The following CYBA variants were observed in gnomAD, a reference collection of about 807,000 sequenced individuals.
CYBA encodes cytochrome b-245 light chain.
CYBA carries 21 observed loss-of-function variants against 20.8 expected under a neutral mutation model. The ratio of observed to expected loss-of-function variants is 1.01; its 90% CI spans 0.72 to 1.46. The LOEUF is 1.46. Among genes scored for constraint, CYBA ranks in the 40% most tolerant of loss-of-function variants. The pLI, the probability that CYBA is intolerant of heterozygous loss-of-function variation, is 0.00. For synonymous variants in CYBA, 164 were observed against 127.5 expected, an observed-to-expected ratio of 1.29 and a Z score of -1.93; for missense variants, 344 against 287.0, an observed-to-expected ratio of 1.20 and a Z score of -1.43.
rs1309573579 is a variant in CYBA, at chr16:88,651,016, C to A, written c.-3G>T. On this transcript the variant is annotated 5_prime_UTR_variant, in exon 1 of 6. Transcript: ENST00000261623. Reference sequence around the variant, plus strand: ...ATGGCCCACTCGATCTGCCCCATGGCGACACGAACCCGGCTGGGACACTGC... The same window carrying A: ...ATGGCCCACTCGATCTGCCCCATGGAGACACGAACCCGGCTGGGACACTGC... The A allele has an allele frequency of 4.4e-6, 7 of 1,593,914 alleles. No homozygotes were observed. The African/African-American group carries it at 8.1e-5, about 18-fold the overall frequency.
Position 88,647,142 on chromosome 16 carries a change from G to A in CYBA, c.162C>T (p.Tyr54=), listed in dbSNP as rs779533388. 3 of 1,611,164 alleles carry A rather than the reference G, an allele frequency of 1.9e-6. No individual in the cohort carries two copies. The highest frequency in any genetic ancestry group is 2.5e-6 in the Non-Finnish European group (3 of 1,179,740). The change falls in exon 3 of 6, where the codon TAC becomes TAT. Residue 54 remains tyrosine (Y), a synonymous_variant. Transcript: ENST00000261623. ...VAGVFVCLLE[Y]PRGKRKKGST... is the part of the protein sequence containing the mutation. The stretch of plus-strand genomic sequence containing the variant: ...AGCCCTTCTTCCTCTTCCCCCGGGG[G>A]TACTCCAGCAGGCACACAAACACGC...
At chr16:88,645,191 C>T (rs772943816) in intron 5 of CYBA, 213 of 702,130 alleles carry the variant, frequency 3.0e-4, no homozygotes, top group Non-Finnish European at 4.1e-4. Context: ...AGCAGGGAGA[C>T]GGGGGGGATG....
chr16:88,649,996 C>T (rs1907445972), intron 1 of CYBA, among the ~76,000 whole-genome samples: 1 of 152,174 alleles, frequency 6.6e-6, no homozygotes, highest in Non-Finnish European at 1.5e-5. Flanking sequence ...CGGTCACTTT[C>T]CTGGGCACAG....
Position 88,647,194 on chromosome 16 carries a change from G to A in CYBA, c.129-19C>T, listed in dbSNP as rs762998994. On this transcript the variant is annotated intron_variant, in intron 2 of 5. Coordinates refer to ENST00000261623, the MANE Select transcript of CYBA (RefSeq NM_000101.4). ...CGCCACACTGAAGCCATGTGGTTAAGGAACAGCCCAGCTCAGCCTGAGGGG... is the reference window on the plus strand; with the variant it reads ...CGCCACACTGAAGCCATGTGGTTAAAGAACAGCCCAGCTCAGCCTGAGGGG... 6.2e-7 allele frequency: 1 copy of A among 1,610,638 alleles called. No homozygotes were observed. The highest frequency in any genetic ancestry group is 1.1e-5 in the South Asian group (1 of 91,034).
Position 88,643,830 on chromosome 16 carries a change from C to T in CYBA, c.370-259G>A, listed in dbSNP as rs1907180148. On this transcript the variant is annotated intron_variant, in intron 5 of 5. Coordinates refer to ENST00000261623, the MANE Select transcript of CYBA (RefSeq NM_000101.4). This position sits in a 1 kb window ranked among gnomAD's most constrained non-coding sequence, Gnocchi z 4.3. The stretch of plus-strand genomic sequence containing the variant: ...GAACCCCTGGGCTTCTGGAAGATCC[C>T]GTGGTGGACACTCCCAGATGCAAAT... Among the ~76,000 whole-genome samples, 1 of 152,230 alleles carries T rather than the reference C, an allele frequency of 6.6e-6. No homozygotes were observed. The highest frequency in any genetic ancestry group is 6.5e-5 in the Admixed American group (1 of 15,278).
rs1364625103 is a variant in CYBA, at chr16:88,650,943, G to T, written c.58+13C>A. 1 of 1,587,230 alleles carries T rather than the reference G, an allele frequency of 6.3e-7. No homozygotes were observed. Among genetic ancestry groups the T allele is most frequent in the African/African-American group, 1.3e-5 (1 of 74,128 alleles). The stretch of plus-strand genomic sequence containing the variant: ...CCAGGCTGCAGCCTCCACCGTCCCT[G>T]ACGTGCACTCACTCAGGCCGGACGC... On this transcript the variant is annotated intron_variant, in intron 1 of 5. Transcript: ENST00000261623.
At position 88,643,446 on chromosome 16, in the gene CYBA, C is replaced by G; in HGVS notation, c.495G>C (p.Lys165Asn). Reference sequence around the variant, plus strand: ...CCGCAGCCTCCTCCTCGCTGGGCTTCTTGCGGGCCTCGGCCGGGGGCCGCG... The same window carrying G: ...CCGCAGCCTCCTCCTCGCTGGGCTTGTTGCGGGCCTCGGCCGGGGGCCGCG... ...PPPRPPAEAR[K>N]KPSEEEAAVA... The change falls in exon 6 of 6, where the codon AAG becomes AAC. Residue 165 changes from lysine (K) to asparagine (N), a missense_variant. Coordinates refer to ENST00000261623, the MANE Select transcript of CYBA (RefSeq NM_000101.4). This position sits in a 1 kb window ranked among gnomAD's most constrained non-coding sequence, Gnocchi z 4.3. 2.0e-6 allele frequency: 3 copies of G among 1,534,426 alleles called. No homozygotes were observed. Among genetic ancestry groups the G allele is most frequent in the Non-Finnish European group, 2.6e-6 (3 of 1,144,032 alleles).
chr16:88,650,870 C>A, intron 1 of CYBA, 86 bp downstream of exon 1: 1 of 1,427,678 alleles, frequency 7.0e-7, no homozygotes, highest in Non-Finnish European at 9.6e-7. Context: ...CCCACTTCCC[C>A]ACCCTGTAAG....
chr16:88,649,047 C>G (rs895623971), intron 1 of CYBA, among the ~76,000 whole-genome samples: 6 of 151,426 alleles, frequency 4.0e-5, no homozygotes, highest in Non-Finnish European at 7.4e-5. Context: ...AAGCGATTCT[C>G]CTGCCTCAGC....
chr16:88,644,760 G>A (rs1021903035), intron 5 of CYBA: 8 of 205,468 alleles, frequency 3.9e-5, no homozygotes, highest in Non-Finnish European at 7.1e-5. Flanking sequence ...AGGAGGCGAA[G>A]GTTGCAGTGA....
chr16:88,650,424 C>T (rs1188313789), intron 1 of CYBA: 1 of 457,844 alleles, frequency 2.2e-6, no homozygotes, highest in East Asian at 6.9e-5. Flanking sequence ...AGGGCCGTCA[C>T]TGGGTGGTTT....
chr16:88,645,880 T>C (rs1489787146), intron 5 of CYBA: 14 of 582,986 alleles, frequency 2.4e-5, no homozygotes, highest in Middle Eastern at 9.1e-4. Context: ...CCCAGGGCTG[T>C]GGTGCGGGTT....
In CYBA at chr16:88,643,653, G is replaced by A; in HGVS notation, c.370-82C>T. The A allele has an allele frequency of 7.9e-7, 1 of 1,266,654 alleles. No homozygotes were observed. Among genetic ancestry groups the A allele is most frequent in the Non-Finnish European group, 1.1e-6 (1 of 927,844 alleles). 78.5% of individuals were successfully genotyped at this position (1,266,654 alleles called of 1,614,324 possible). A position where few individuals can be genotyped will look rare whatever the true frequency, so the allele number is the denominator to read the frequency against. ...CCCTCCCCGGAGGCCCACCCCGCTA[G>A]GGGCCCTGGGACAGGCTCAAGTCTG... On this transcript the variant is annotated intron_variant, in intron 5 of 5. Transcript: ENST00000261623. This position sits in a 1 kb window ranked among gnomAD's most constrained non-coding sequence, Gnocchi z 4.3.
chr16:88,647,342 G>T (rs965781275), intron 2 of CYBA, among the ~76,000 whole-genome samples, 167 bp from the exon 3 acceptor site: 2 of 152,210 alleles, frequency 1.3e-5, no homozygotes, highest in Non-Finnish European at 2.9e-5. Context: ...AGGAGTTTGA[G>T]ACCAGCCTGG....
Position 88,650,957 on chromosome 16 carries a change from C to G in CYBA, c.57G>C (p.Leu19=), listed in dbSNP as rs920461516. The G allele has an allele frequency of 6.3e-7, 1 of 1,591,722 alleles. No individual in the cohort carries two copies. ...CCACCGTCCCTGACGTGCACTCACT[C>G]AGGCCGGACGCCAGCGCCTGTTCGT... ...WANEQALASG[L]ILITGGIVAT... Residue 19 remains leucine, a splice_region_variant and synonymous_variant, in exon 1 of 6, where the codon CTG becomes CTC. Coordinates refer to ENST00000261623, the MANE Select transcript of CYBA (RefSeq NM_000101.4).
At chr16:88,647,057 GC>G in intron 3 of CYBA, 43 bp downstream of exon 3, 2 of 1,555,134 alleles carry the variant, frequency 1.3e-6, no homozygotes. Context: ...CCCTGCCTGG[GC>G]CCCGCAGCCC....
intron 1 of CYBA, among the ~76,000 whole-genome samples, chr16:88,648,699 C>A (rs984846450): frequency 4.6e-5 from 7 of 151,220 alleles, no homozygotes; most frequent in African/African-American, 1.7e-4. Context: ...CTCACTGCTA[C>A]CTCCGCCTCC....
intron 1 of CYBA, chr16:88,650,276 G>A (rs1299884800): frequency 2.3e-6 from 1 of 426,472 alleles, no homozygotes; most frequent in African/African-American, 2.0e-5. Flanking sequence ...GACACTCCCT[G>A]GCCCTGGTCC....
chr16:88,643,870 T>G lies in CYBA; in HGVS notation c.370-299A>C, dbSNP rs908140737. ...CAGATGCAAATTCTAGTACTCAAAT[T>G]CTCCTCTCAAGGTGCCAAGGGCAGG... On this transcript the variant is annotated intron_variant, in intron 5 of 5. Coordinates refer to ENST00000261623, the MANE Select transcript of CYBA (RefSeq NM_000101.4). This position sits in a 1 kb window ranked among gnomAD's most constrained non-coding sequence, Gnocchi z 4.3. Among the ~76,000 whole-genome samples the G allele has an allele frequency of 6.6e-6, 1 of 152,010 alleles. No homozygotes were observed. Among genetic ancestry groups the G allele is most frequent in the Non-Finnish European group, 1.5e-5 (1 of 68,008 alleles).
Sources: allele counts gnomAD v4.1 joint callset (sites outside exome capture counted in the v4.1 genomes callset), GRCh38; gene constraint gnomAD v4.1.1; non-coding constraint Gnocchi (gnomAD v3.1); transcripts MANE v1.5; gene names NCBI Gene and HGNC (gene_info 2026-07-23, HGNC 2026-07-21).